The following KIAA0513 variants were observed in gnomAD, a reference collection of about 807,000 sequenced individuals.
KIAA0513 encodes KIAA0513.
Under a neutral mutation model 56.5 loss-of-function variants are expected in KIAA0513, and 39 were observed. The observed-to-expected ratio is 0.69, with a 90% CI of 0.53 to 0.90. KIAA0513 has a LOEUF of 0.90. Among genes scored for constraint, KIAA0513 ranks in the 40% least tolerant of loss-of-function variants. The pLI is 0.00. For missense variants in KIAA0513, 591 were observed against 535.2 expected (o/e 1.10, Z -1.03); for synonymous variants, 268 against 215.6 (o/e 1.24, Z -2.13).
At chr16:85,040,983 T>G (rs548315712) in intron 1 of KIAA0513, among the ~76,000 whole-genome samples, 2 of 152,340 alleles carry the variant, frequency 1.3e-5, no homozygotes, top group Admixed American at 6.5e-5. Flanking sequence ...TCCTCAAAAA[T>G]GCATTTGCAT....
rs2073850013 is a variant in KIAA0513, at chr16:85,089,793, C to T, written c.*1468C>T. On this transcript the variant is annotated 3_prime_UTR_variant, in exon 13 of 13. Coordinates refer to ENST00000683363, the MANE Select transcript of KIAA0513 (RefSeq NM_001388359.1). This position sits in a 1 kb window ranked among gnomAD's most constrained non-coding sequence, Gnocchi z 4.2. Reference sequence around the variant, plus strand: ...GAAGGTTTCCCTCCGGGGAATGCCTCCCTGGAATGTTCCAGAGACGGAACA... The same window carrying T: ...GAAGGTTTCCCTCCGGGGAATGCCTTCCTGGAATGTTCCAGAGACGGAACA... The T allele has an allele frequency of 6.6e-6, 1 of 152,114 alleles. No homozygotes were observed. The highest frequency in any genetic ancestry group is 2.4e-5 in the African/African-American group (1 of 41,414). 9.4% of individuals were successfully genotyped at this position (152,114 alleles called of 1,614,324 possible). A position where few individuals can be genotyped will look rare whatever the true frequency, so the allele number is the denominator to read the frequency against.
chr16:85,090,218 G>A lies in KIAA0513; in HGVS notation c.*1893G>A, dbSNP rs2073854300. 6.6e-6 allele frequency: 1 copy of A among 152,214 alleles called. No homozygotes were observed. Among genetic ancestry groups the A allele is most frequent in the African/African-American group, 2.4e-5 (1 of 41,448 alleles). 9.4% of individuals were successfully genotyped at this position (152,214 alleles called of 1,614,324 possible). On this transcript the variant is annotated 3_prime_UTR_variant, in exon 13 of 13. Transcript: ENST00000683363. Reference sequence around the variant, plus strand: ...TAATACACACCTCCTGCAGCGTCCAGCCACGGCTCCAGGGCACTGCTCTCC... The same window carrying A: ...TAATACACACCTCCTGCAGCGTCCAACCACGGCTCCAGGGCACTGCTCTCC...
intron 1 of KIAA0513, among the ~76,000 whole-genome samples, chr16:85,057,078 G>A (rs771527221): frequency 6.6e-6 from 1 of 152,084 alleles, no homozygotes; most frequent in African/African-American, 2.4e-5. Flanking sequence ...TCTTGTTTGC[G>A]CAGTGCCCTG....
chr16:85,067,155 C>G lies in KIAA0513; in HGVS notation c.84C>G (p.Pro28=). 6.2e-7 allele frequency: 1 copy of G among 1,614,098 alleles called. No individual in the cohort carries two copies. Among genetic ancestry groups the G allele is most frequent in the Admixed American group, 1.7e-5 (1 of 60,016 alleles). ...CCTCTTCTCCCCTGGAGGCACCACC[C>G]CCTGTGCTGCAGGACGGCGATGGCT... ...APTSSPLEAP[P]PVLQDGDGSL... is the part of the protein sequence containing the mutation. Residue 28 remains proline (P), a synonymous_variant, in exon 2 of 13, where the codon CCC becomes CCG. Coordinates refer to ENST00000683363, the MANE Select transcript of KIAA0513 (RefSeq NM_001388359.1).
chr16:85,065,390 C>T (rs1236797294), intron 1 of KIAA0513, among the ~76,000 whole-genome samples: 1 of 152,228 alleles, frequency 6.6e-6, no homozygotes, highest in Non-Finnish European at 1.5e-5. Flanking sequence ...GTCCTTGGTG[C>T]TGTCCTGGCC....
intron 3 of KIAA0513, among the ~76,000 whole-genome samples, chr16:85,072,477 CTT>C (rs141944895): frequency 4.8e-5 from 7 of 145,620 alleles, no homozygotes; most frequent in Admixed American, 2.7e-4. Context: ...CCAATAGGTT[CTT>C]TTTTTTTTTT....
At chr16:85,059,470 A>G (rs1482826251) in intron 1 of KIAA0513, among the ~76,000 whole-genome samples, 1 of 152,218 alleles carries the variant, frequency 6.6e-6, no homozygotes, top group Non-Finnish European at 1.5e-5. Flanking sequence ...GGCAGTATCC[A>G]GCTAAGGTGG....
At chr16:85,040,272 G>T (rs891738444) in intron 1 of KIAA0513, among the ~76,000 whole-genome samples, 3 of 152,218 alleles carry the variant, frequency 2.0e-5, no homozygotes, top group African/African-American at 7.2e-5. Flanking sequence ...GGCATCTAGC[G>T]AGTGGAGGCC....
intron 2 of KIAA0513, 37 bp downstream of exon 2, chr16:85,067,437 C>CCA (rs1326053183): frequency 1.3e-6 from 2 of 1,518,644 alleles, no homozygotes; most frequent in African/African-American, 1.4e-5. Context: ...CCTGGTGTGG[C>CCA]CACAGGGCCC....
At chr16:85,060,394 C>G (rs150712485) in intron 1 of KIAA0513, among the ~76,000 whole-genome samples, 67 of 152,304 alleles carry the variant, frequency 4.4e-4, no homozygotes, top group African/African-American at 1.5e-3. Context: ...AGGCCTCCCT[C>G]AGAGACACAG....
intron 1 of KIAA0513, among the ~76,000 whole-genome samples, chr16:85,049,924 T>A (rs2073225984): frequency 1.3e-5 from 2 of 152,208 alleles, no homozygotes; most frequent in Admixed American, 1.3e-4. Flanking sequence ...TATTCATTTA[T>A]TTTGCCAAAT....
rs375448048 is a variant in KIAA0513, at chr16:85,079,012, G to C, written c.902+9G>C. 6.2e-7 allele frequency: 1 copy of C among 1,614,004 alleles called. No homozygotes were observed. On this transcript the variant is annotated intron_variant, in intron 8 of 12. Coordinates refer to ENST00000683363, the MANE Select transcript of KIAA0513 (RefSeq NM_001388359.1). ...AAGCAACAGCCCATCTGGTAAGGCC[G>C]AGCCCGCGGCTTCCCGTCACCCTCT...
intron 2 of KIAA0513, among the ~76,000 whole-genome samples, chr16:85,069,693 G>A (rs774231297): frequency 2.6e-5 from 4 of 152,002 alleles, no homozygotes; most frequent in East Asian, 1.9e-4. Context: ...CTGCTGTGTC[G>A]TGTGTGGGCC....
intron 8 of KIAA0513, among the ~76,000 whole-genome samples, chr16:85,080,980 A>G (rs1355254842): frequency 6.6e-6 from 1 of 152,178 alleles, no homozygotes; most frequent in East Asian, 1.9e-4. Flanking sequence ...AAGGCAGAAG[A>G]AGAAAACGAC....
chr16:85,063,638 G>C (rs1253936477), intron 1 of KIAA0513: 1 of 152,190 alleles, frequency 6.6e-6, no homozygotes, highest in Non-Finnish European at 1.5e-5. Context: ...GGCTTCCGGA[G>C]ACAGTGACTT....
In KIAA0513 at chr16:85,067,119, T is replaced by TG; in HGVS notation, c.49dup (p.Glu17GlyfsTer30). The TG allele has an allele frequency of 6.2e-7, 1 of 1,611,286 alleles. No individual in the cohort carries two copies. The highest frequency in any genetic ancestry group is 8.5e-7 in the Non-Finnish European group (1 of 1,178,250). On this transcript the variant is annotated frameshift_variant, in exon 2 of 13. Coordinates refer to ENST00000683363, the MANE Select transcript of KIAA0513 (RefSeq NM_001388359.1). ...TGGGCTCGCTAATCGACTTTGGGCC[T>TG]GAGGCACCCACCTCTTCTCCCCTGG...
At chr16:85,082,806 G>T (rs565511398) in intron 10 of KIAA0513, among the ~76,000 whole-genome samples, 1 of 152,340 alleles carries the variant, frequency 6.6e-6, no homozygotes, top group East Asian at 1.9e-4. Flanking sequence ...GCAGGTGGGA[G>T]CCTGCCAAGG....
chr16:85,084,096 C>CTGTTG (rs1031388625), intron 10 of KIAA0513, among the ~76,000 whole-genome samples: 20 of 127,674 alleles, frequency 1.6e-4, no homozygotes, highest in Non-Finnish European at 3.1e-4. Flanking sequence ...GAGTCTCGCT[C>CTGTTG]TGTTGCCCAG....
chr16:85,062,752 A>G (rs1223570688), intron 1 of KIAA0513, among the ~76,000 whole-genome samples: 4 of 152,210 alleles, frequency 2.6e-5, no homozygotes, highest in Non-Finnish European at 4.4e-5. Context: ...CTGGGTCTAC[A>G]TTCCCAAATG....
Sources: allele counts gnomAD v4.1 joint callset (sites outside exome capture counted in the v4.1 genomes callset), GRCh38; gene constraint gnomAD v4.1.1; non-coding constraint Gnocchi (gnomAD v3.1); transcripts MANE v1.5; gene names NCBI Gene and HGNC (gene_info 2026-07-23, HGNC 2026-07-21).